LRMDA: variants seen among roughly 807,000 people sequenced by gnomAD.
LRMDA encodes the protein leucine-rich melanocyte differentiation-associated protein.
In LRMDA, 18 loss-of-function variants were observed where a neutral mutation model predicts 29.8. That is an observed-to-expected ratio of 0.60 (90% CI 0.42 to 0.90). The LOEUF (loss-of-function observed/expected upper bound fraction) is 0.90, where lower values mean the gene tolerates loss of function less well. Among genes scored for constraint, LRMDA ranks in the 40% least tolerant of loss-of-function variants. The pLI, the probability that LRMDA is intolerant of heterozygous loss-of-function variation, is 0.00. For synonymous variants in LRMDA, 125 were observed against 109.4 expected, an observed-to-expected ratio of 1.14 and a Z score of -0.89; for missense variants, 273 against 273.9, an observed-to-expected ratio of 1.00 and a Z score of 0.02.
chr10:75,528,245 G>C (rs187986323), intron 2 of LRMDA, among the ~76,000 whole-genome samples: 5 of 152,202 alleles, frequency 3.3e-5, no homozygotes, highest in Non-Finnish European at 7.3e-5. Context: ...TCTGAAAGTT[G>C]TAAGACTTCA....
chr10:75,901,964 G>C (rs1845681551), intron 2 of LRMDA, among the ~76,000 whole-genome samples: 1 of 152,142 alleles, frequency 6.6e-6, no homozygotes, highest in African/African-American at 2.4e-5. Flanking sequence ...CAGCCTCAGG[G>C]TTTTGACCCA....
At chr10:75,985,005 A>T (rs571066122) in intron 2 of LRMDA, among the ~76,000 whole-genome samples, 1 of 152,322 alleles carries the variant, frequency 6.6e-6, no homozygotes, top group East Asian at 1.9e-4. Context: ...TAGGCTTTAT[A>T]TGAACTTATC....
intron 4 of LRMDA, 45 bp from the exon 5 acceptor site, chr10:76,058,621 C>G (rs1848653192): frequency 6.8e-6 from 10 of 1,470,602 alleles, no homozygotes; most frequent in Non-Finnish European, 9.5e-6. Flanking sequence ...ATCTCTGAGG[C>G]TGCCACTCAA....
intron 6 of LRMDA, among the ~76,000 whole-genome samples, chr10:76,554,894 T>G (rs1011947377): frequency 5.4e-5 from 8 of 147,284 alleles, no homozygotes; most frequent in African/African-American, 2.0e-4. Context: ...TGTGTGTGTG[T>G]GTGGTGTGTG....
intron 2 of LRMDA, among the ~76,000 whole-genome samples, chr10:75,760,565 G>A (rs1003098094): frequency 2.0e-5 from 3 of 152,146 alleles, no homozygotes; most frequent in African/African-American, 4.8e-5. Flanking sequence ...AGTGGCAGAA[G>A]CAGGGCCTTC....
chr10:75,650,949 T>G (rs984864468), intron 2 of LRMDA, among the ~76,000 whole-genome samples: 4 of 152,046 alleles, frequency 2.6e-5, no homozygotes, highest in African/African-American at 9.7e-5. Context: ...CAGCCTACTC[T>G]CTCCTCAGGT....
intron 5 of LRMDA, among the ~76,000 whole-genome samples, chr10:76,148,553 AG>A (rs1338537420): frequency 1.3e-5 from 2 of 152,136 alleles, no homozygotes; most frequent in East Asian, 3.9e-4. Context: ...GCACAGTATT[AG>A]GGTGGGAGTG....
intron 5 of LRMDA, among the ~76,000 whole-genome samples, chr10:76,130,742 C>T (rs1300512624): frequency 2.0e-5 from 3 of 152,214 alleles, no homozygotes; most frequent in Non-Finnish European, 2.9e-5. Flanking sequence ...TCACTGCAAC[C>T]TCTGCCTCCT....
chr10:75,855,782 T>A (rs1223563821), intron 2 of LRMDA, among the ~76,000 whole-genome samples: 1 of 152,228 alleles, frequency 6.6e-6, no homozygotes, highest in East Asian at 1.9e-4. Flanking sequence ...TTTCTACATA[T>A]GGCTAGCCAG....
At position 75,802,932 on chromosome 10, in the gene LRMDA, A is replaced by ATGTGTGTG. The variant is rs71024568; in HGVS notation, c.132-233060_132-233053dup. On this transcript the variant is annotated intron_variant, in intron 2 of 6. Transcript: ENST00000611255. Reference sequence around the variant, plus strand: ...GACCTGATGCATGCATTAATACATTATGTGTGTGTGTGTGTGTGTGTGTAT... The same window carrying ATGTGTGTG: ...GACCTGATGCATGCATTAATACATTATGTGTGTGTGTGTGTGTGTGTGTGTGTGTGTAT... Among the ~76,000 whole-genome samples the ATGTGTGTG allele has an allele frequency of 9.0e-3, 1,223 of 135,816 alleles. 11 individuals are homozygous for ATGTGTGTG. Among genetic ancestry groups the ATGTGTGTG allele is most frequent in the African/African-American group, 0.032 (1,160 of 36,774 alleles). 89.1% of individuals were successfully genotyped at this position (135,816 alleles called of 152,430 possible).
chr10:75,436,914 G>A (rs376699644), intron 1 of LRMDA, among the ~76,000 whole-genome samples: 1 of 152,224 alleles, frequency 6.6e-6, no homozygotes, highest in East Asian at 1.9e-4. Context: ...GAACTGTGAA[G>A]AAAGATGGAC....
At chr10:75,712,449 G>T (rs1279183105) in intron 2 of LRMDA, among the ~76,000 whole-genome samples, 1 of 151,974 alleles carries the variant, frequency 6.6e-6, no homozygotes, top group Non-Finnish European at 1.5e-5. Context: ...GGGCGGTTGG[G>T]GGGGTGGTGT....
intron 2 of LRMDA, among the ~76,000 whole-genome samples, chr10:75,723,761 T>C (rs1842597851): frequency 6.6e-6 from 1 of 152,202 alleles, no homozygotes; most frequent in African/African-American, 2.4e-5. Flanking sequence ...TGCACTGATG[T>C]ATGGTGTAGC....
intron 2 of LRMDA, among the ~76,000 whole-genome samples, chr10:75,939,776 G>C (rs915550264): frequency 6.6e-6 from 1 of 152,108 alleles, no homozygotes; most frequent in Non-Finnish European, 1.5e-5. Context: ...TAGGTATTTG[G>C]CTCTCAGGCT....
At chr10:76,458,897 C>A (rs1188273168) in intron 6 of LRMDA, among the ~76,000 whole-genome samples, 1 of 152,080 alleles carries the variant, frequency 6.6e-6, no homozygotes, top group Non-Finnish European at 1.5e-5. Context: ...CCTCAGCCTG[C>A]AAGCCCAGTC....
chr10:75,581,400 A>G (rs1163157251), intron 2 of LRMDA, among the ~76,000 whole-genome samples: 2 of 152,236 alleles, frequency 1.3e-5, no homozygotes, highest in South Asian at 2.1e-4. Flanking sequence ...GGTGATCATT[A>G]AAAAGTCAGG....
intron 5 of LRMDA, among the ~76,000 whole-genome samples, chr10:76,220,642 C>CA (rs1314034275): frequency 1.3e-5 from 2 of 152,064 alleles, no homozygotes; most frequent in African/African-American, 4.8e-5. Flanking sequence ...ACTTACCAAC[C>CA]AAAAAGAGTC....
At chr10:75,773,119 G>A (rs548284185) in intron 2 of LRMDA, among the ~76,000 whole-genome samples, 3 of 152,230 alleles carry the variant, frequency 2.0e-5, no homozygotes, top group East Asian at 3.9e-4. Flanking sequence ...TTTGTTATGG[G>A]GGACTGTCTC....
intron 6 of LRMDA, among the ~76,000 whole-genome samples, chr10:76,365,069 T>TACACAC (rs1343341956): frequency 0.051 from 2,702 of 53,456 alleles, 49 homozygotes; most frequent in Non-Finnish European, 0.07. Context: ...ATCGTATATA[T>TACACAC]ATACACACAC....
Sources: gnomAD v4.1 joint callset for allele counts (sites outside exome capture counted in the v4.1 genomes callset) on GRCh38, gnomAD v4.1.1 for gene constraint, MANE v1.5 for transcripts, NCBI Gene and HGNC (gene_info 2026-07-23, HGNC 2026-07-21) for gene names.